The following CRACDL variants were observed in gnomAD, a reference collection of about 807,000 sequenced individuals.
The protein encoded by CRACDL is CRACD like.
A neutral mutation model predicts 70.6 loss-of-function variants in CRACDL; 26 were observed. That is an observed-to-expected ratio of 0.37 (90% CI 0.27 to 0.51). The LOEUF (loss-of-function observed/expected upper bound fraction) is 0.51, where lower values mean the gene tolerates loss of function less well. Among genes scored for constraint, CRACDL ranks in the 20% least tolerant of loss-of-function variants. The probability of loss-of-function intolerance (pLI) is 0.94; values close to 1 mark genes in which losing one functional copy is unlikely to be tolerated. For missense variants in CRACDL, 1,283 were observed against 1,376.9 expected (o/e 0.93, Z 1.08); for synonymous variants, 618 against 615.2 (o/e 1.00, Z -0.07).
chr2:98,819,093 T>C (rs1268987454), intron 7 of CRACDL, among the ~76,000 whole-genome samples: 1 of 152,206 alleles, frequency 6.6e-6, no homozygotes, highest in Non-Finnish European at 1.5e-5. Flanking sequence ...TTCTACTATA[T>C]AAGCAAAGCT....
intron 1 of CRACDL, among the ~76,000 whole-genome samples, chr2:98,932,642 C>T (rs1366695793): frequency 6.6e-6 from 1 of 152,216 alleles, no homozygotes; most frequent in Non-Finnish European, 1.5e-5. Context: ...CCAGCTACTC[C>T]TTCCTTGCCT....
intron 1 of CRACDL, among the ~76,000 whole-genome samples, chr2:98,893,365 G>A (rs1023373448): frequency 5.3e-5 from 8 of 152,028 alleles, no homozygotes; most frequent in Non-Finnish European, 1.0e-4. Flanking sequence ...TTCACTACAA[G>A]CTCCGTCTCC....
At chr2:98,860,134 GA>G (rs553564400) in intron 1 of CRACDL, among the ~76,000 whole-genome samples, 14 of 151,940 alleles carry the variant, frequency 9.2e-5, no homozygotes, top group Middle Eastern at 3.4e-3. Flanking sequence ...TAACAACGTT[GA>G]AAAAAAATTA....
At position 98,821,919 on chromosome 2, in the gene CRACDL, C is replaced by T. The variant is rs1346712144; in HGVS notation, c.2354G>A (p.Gly785Glu). 1.3e-6 allele frequency: 2 copies of T among 1,591,446 alleles called. No individual in the cohort carries two copies. The highest frequency in any genetic ancestry group is 1.7e-6 in the Non-Finnish European group (2 of 1,173,096). Residue 785 changes from glycine (G) to glutamate (E), a missense_variant, in exon 7 of 10, where the codon GGA becomes GAA. Physicochemically the swap from Gly to Glu is moderately conservative, Grantham distance 98 (BLOSUM62 -2). Coordinates refer to ENST00000397899, the MANE Select transcript of CRACDL (RefSeq NM_207362.3). ...GGGCTCCTTCCTGGGTTCCCGCTCT[C>T]CCGGGCCGGCGTCGGGGGGCGCGGG... ...HQPAPPDAGPGEREPRKEPRT... is the reference protein window; with the variant it reads ...HQPAPPDAGPEEREPRKEPRT...
At chr2:98,882,163 C>A (rs1010092076) in intron 1 of CRACDL, among the ~76,000 whole-genome samples, 10 of 152,242 alleles carry the variant, frequency 6.6e-5, no homozygotes, top group Non-Finnish European at 1.5e-4. Flanking sequence ...AGCCGGGCGA[C>A]TAAAGGCCAC....
intron 5 of CRACDL, 47 bp from the exon 6 acceptor site, chr2:98,827,216 T>C: frequency 7.1e-7 from 1 of 1,403,604 alleles, no homozygotes. Context: ...CTTCACCGTG[T>C]GAAATAAGGA....
rs1705180888 is a variant in CRACDL, at chr2:98,823,417, C to T, written c.856G>A (p.Ala286Thr). 3 of 1,569,448 alleles carry T rather than the reference C, an allele frequency of 1.9e-6. No homozygotes were observed. The South Asian group carries it at 3.5e-5, about 18-fold the overall frequency. The change falls in exon 7 of 10, where the codon GCG (alanine) becomes ACG (threonine). Residue 286 changes from alanine (A) to threonine (T), a missense_variant. This residue lies in a region of CRACDL where 362 missense variants were observed against 495.0 expected (regional missense o/e 0.73). Coordinates refer to ENST00000397899, the MANE Select transcript of CRACDL (RefSeq NM_207362.3). The surrounding 1 kb of genome is among the most constrained non-coding windows in gnomAD (Gnocchi z 4.0). Reference protein sequence around the residue: ...ERPSSGQQDVAPDRGPEPGPP... With the variant: ...ERPSSGQQDVTPDRGPEPGPP... ...CCAGGCTCAGGGCCTCTGTCTGGCG[C>T]CACGTCCTGCTGCCCAGAGCTGGGG...
At chr2:98,884,421 G>A (rs1385102371) in intron 1 of CRACDL, among the ~76,000 whole-genome samples, 1 of 152,210 alleles carries the variant, frequency 6.6e-6, no homozygotes, top group Non-Finnish European at 1.5e-5. Flanking sequence ...GAGTAAGGTG[G>A]TGGGGCTGGA....
intron 2 of CRACDL, among the ~76,000 whole-genome samples, chr2:98,840,347 T>C (rs1045737345): frequency 6.6e-6 from 1 of 152,220 alleles, no homozygotes; most frequent in African/African-American, 2.4e-5. Flanking sequence ...TTAATTGCAC[T>C]GTGGTCCAAT....
intron 1 of CRACDL, among the ~76,000 whole-genome samples, chr2:98,872,941 T>C (rs1260216582): frequency 1.3e-5 from 2 of 152,276 alleles, no homozygotes; most frequent in African/African-American, 4.8e-5. Context: ...TCCTAAGTTT[T>C]CTGACTTCGC....
intron 1 of CRACDL, among the ~76,000 whole-genome samples, chr2:98,915,293 C>T (rs551535050): frequency 1.6e-4 from 24 of 152,342 alleles, no homozygotes; most frequent in Admixed American, 1.4e-3. Flanking sequence ...CTAAGTCCTC[C>T]CTTTCAGCCC....
chr2:98,873,137 T>C (rs977432015), intron 1 of CRACDL, among the ~76,000 whole-genome samples: 4 of 152,152 alleles, frequency 2.6e-5, no homozygotes, highest in Non-Finnish European at 5.9e-5. Context: ...AGATCCTACG[T>C]GTAAGTTTCT....
intron 1 of CRACDL, among the ~76,000 whole-genome samples, chr2:98,853,418 C>A (rs1284825316): frequency 6.6e-6 from 1 of 152,094 alleles, no homozygotes. Flanking sequence ...AAAATATAGA[C>A]ATTTTTAGAT....
At chr2:98,915,680 G>T (rs1430862049) in intron 1 of CRACDL, among the ~76,000 whole-genome samples, 1 of 152,122 alleles carries the variant, frequency 6.6e-6, no homozygotes, top group African/African-American at 2.4e-5. Context: ...TGGGGGTGGG[G>T]GAAATAGCTG....
intron 2 of CRACDL, among the ~76,000 whole-genome samples, chr2:98,840,505 C>A (rs952034556): frequency 6.6e-6 from 1 of 151,920 alleles, no homozygotes; most frequent in African/African-American, 2.4e-5. Context: ...AGAACAAAAT[C>A]TTTTTTTTAA....
intron 1 of CRACDL, among the ~76,000 whole-genome samples, chr2:98,918,642 G>C (rs1385594063): frequency 6.8e-6 from 1 of 147,782 alleles, no homozygotes; most frequent in Non-Finnish European, 1.5e-5. Flanking sequence ...TCTGCTATAA[G>C]ATGATATCTC....
At chr2:98,916,802 T>C (rs1170879794) in intron 1 of CRACDL, among the ~76,000 whole-genome samples, 2 of 152,172 alleles carry the variant, frequency 1.3e-5, no homozygotes, top group Non-Finnish European at 2.9e-5. Context: ...AGCGAGTCCC[T>C]GAGTGGGGGC....
intron 9 of CRACDL, among the ~76,000 whole-genome samples, chr2:98,795,077 A>ATATATATATATTTTTTTTTTTT: frequency 2.7e-4 from 16 of 58,480 alleles, no homozygotes; most frequent in Non-Finnish European, 4.1e-4. Flanking sequence ...ATATATATAT[A>ATATATATATATTTTTTTTTTTT]TTTTTTTTTT....
chr2:98,921,772 C>G (rs1046752440), intron 1 of CRACDL, among the ~76,000 whole-genome samples: 2 of 152,178 alleles, frequency 1.3e-5, no homozygotes, highest in African/African-American at 2.4e-5. Flanking sequence ...TCTCTGTGCT[C>G]CTGCAGCTCC....
Sources: allele counts gnomAD v4.1 joint callset (sites outside exome capture counted in the v4.1 genomes callset), GRCh38; gene constraint gnomAD v4.1.1; regional missense constraint gnomAD v4.1.1; non-coding constraint Gnocchi (gnomAD v3.1); transcripts MANE v1.5; gene names NCBI Gene and HGNC (gene_info 2026-07-23, HGNC 2026-07-21).